Variants in LRP2 observed in about 807,000 individuals in gnomAD.
LRP2 encodes LDL receptor related protein 2, also known as low-density lipoprotein receptor-related protein 2.
Under a neutral mutation model 531.0 loss-of-function variants are expected in LRP2, and 172 were observed. The observed-to-expected ratio is 0.32, with a 90% CI of 0.29 to 0.37. The LOEUF (loss-of-function observed/expected upper bound fraction) is 0.37. LRP2 is among the 10% of genes least tolerant of loss of function. LRP2 has a pLI of 1.00. For missense variants in LRP2, 5,167 were observed against 5,868.3 expected (o/e 0.88, Z 3.90); for synonymous variants, 1,992 against 2,027.6 (o/e 0.98, Z 0.47).
intron 1 of LRP2, 149 bp from the exon 2 acceptor site, chr2:169,321,033 G>T (rs768974125): frequency 1.2e-5 from 8 of 662,164 alleles, no homozygotes; most frequent in African/African-American, 1.8e-5. Context: ...TTCTCCCAAT[G>T]ATAATATAAA....
chr2:169,155,389 GC>G (rs1212209371), intron 65 of LRP2, among the ~76,000 whole-genome samples: 5 of 152,230 alleles, frequency 3.3e-5, no homozygotes, highest in Admixed American at 2.0e-4. Context: ...CTGTTCAAAT[GC>G]TTTCACTCTA....
Position 169,188,265 on chromosome 2 carries a change from C to A in LRP2, c.9033G>T (p.Arg3011Ser), listed in dbSNP as rs867619230. 6.2e-7 allele frequency: 1 copy of A among 1,614,024 alleles called. No homozygotes were observed. The highest frequency in any genetic ancestry group is 1.7e-4 in the Middle Eastern group (1 of 5,978). ...GYGLCIPKIF[R>S]CDRHNDCGDY... Reference sequence around the variant, plus strand: ...CACCACAGTCATTGTGCCGGTCACACCTGTATCATGAGATCCAGTACCACT... The same window carrying A: ...CACCACAGTCATTGTGCCGGTCACAACTGTATCATGAGATCCAGTACCACT... Residue 3011 changes from arginine to serine, a missense_variant and splice_region_variant, in exon 49 of 79, where the codon AGG (arginine) becomes AGT (serine). Transcript: ENST00000649046.
chr2:169,154,726 G>T, intron 65 of LRP2, 123 bp from the exon 66 acceptor site: 1 of 851,904 alleles, frequency 1.2e-6, no homozygotes, highest in South Asian at 1.5e-5. Context: ...ATAGGAATCT[G>T]ACTATCTCTG....
intron 16 of LRP2, among the ~76,000 whole-genome samples, chr2:169,266,962 A>G (rs2673176): frequency 0.97 from 143,841 of 148,832 alleles, 69,694 homozygotes; most frequent in Middle Eastern, 1. Context: ...GTCATAGCTC[A>G]CTGCAACCTG....
chr2:169,238,402 G>T, intron 26 of LRP2, 100 bp from the exon 27 acceptor site: 1 of 856,154 alleles, frequency 1.2e-6, no homozygotes, highest in Admixed American at 2.0e-5. Flanking sequence ...ACAGAAAGAA[G>T]GTGTAATTCC....
chr2:169,237,210 A>G lies in LRP2; in HGVS notation c.4584T>C (p.Tyr1528=). 6.2e-7 allele frequency: 1 copy of G among 1,613,880 alleles called. No individual in the cohort carries two copies. Among genetic ancestry groups the G allele is most frequent in the South Asian group, 1.1e-5 (1 of 91,084 alleles). ...WVGRNLYWTD[Y]ALETIEVSKI... is the part of the protein sequence containing the mutation. The stretch of plus-strand genomic sequence containing the variant: ...TGGAGACTTCAATTGTTTCCAGAGC[A>G]TAGTCTGTCCAGTAAAGATTACGAC... Residue 1528 remains tyrosine, a synonymous_variant, in exon 28 of 79, where the codon TAT becomes TAC. Coordinates refer to ENST00000649046, the MANE Select transcript of LRP2 (RefSeq NM_004525.3).
chr2:169,266,281 T>C (rs1574198840), intron 16 of LRP2, among the ~76,000 whole-genome samples: 2 of 150,914 alleles, frequency 1.3e-5, no homozygotes, highest in East Asian at 2.0e-4. Flanking sequence ...AATCAAGAAA[T>C]AGAAGTATAA....
At position 169,239,757 on chromosome 2, in the gene LRP2, T is replaced by C; in HGVS notation, c.4064A>G (p.Asp1355Gly). 2 of 1,613,928 alleles carry C rather than the reference T, an allele frequency of 1.2e-6. No individual in the cohort carries two copies. Among genetic ancestry groups the C allele is most frequent in the Non-Finnish European group, 1.7e-6 (2 of 1,179,858 alleles). The change falls in exon 26 of 79, where the codon GAT becomes GGT. Residue 1355 changes from aspartate to glycine, a missense_variant. Around this residue, in one of 6 missense-constraint regions of LRP2, gnomAD observed 2,811 missense variants for 3,058.0 expected, o/e 0.92. Transcript: ENST00000649046. ...CTCGTGAGTACAACCACCATTGAAA[T>C]CTGAGCAGCTGTTCCCATCTAGAAA... ...SPLCNGNSCS[D>G]FNGGCTHECV...
chr2:169,169,618 T>C lies in LRP2; in HGVS notation c.11497+84A>G, dbSNP rs1022028224. On this transcript the variant is annotated intron_variant, in intron 60 of 78. Transcript: ENST00000649046. ...AGACAATACTTATGGCCTTTTAATC[T>C]AAGAAGCGGCAGCGGACTGATGTCT... is the stretch of plus-strand genomic sequence containing the variant. 4.9e-5 allele frequency: 50 copies of C among 1,026,532 alleles called. No homozygotes were observed. The African/African-American group carries it at 7.7e-4, about 16-fold the overall frequency. 63.6% of individuals were successfully genotyped at this position (1,026,532 alleles called of 1,614,324 possible).
chr2:169,247,638 C>T, intron 19 of LRP2, 123 bp from the exon 20 acceptor site: 3 of 1,025,426 alleles, frequency 2.9e-6, no homozygotes, highest in Non-Finnish European at 4.5e-6. Context: ...CCATAAATAT[C>T]TGTAATATGT....
rs1370413905 is a variant in LRP2 at position 169,130,054 on chromosome 2, A to C, written c.13729-970T>G. 4.6e-5 allele frequency among the ~76,000 whole-genome samples: 7 copies of C among 152,328 alleles called. No homozygotes were observed. In the East Asian group the frequency reaches 1.4e-3, roughly 29 times the overall value. On this transcript the variant is annotated intron_variant, in intron 77 of 78. Transcript: ENST00000649046. ...ACATTCAAGTGAGAACCTGCTTTGTACATAGTGCCCCCAAGGGGAACATGA... is the reference window on the plus strand; with the variant it reads ...ACATTCAAGTGAGAACCTGCTTTGTCCATAGTGCCCCCAAGGGGAACATGA...
At chr2:169,327,506 C>A (rs1197834019) in intron 1 of LRP2, among the ~76,000 whole-genome samples, 1 of 122,260 alleles carries the variant, frequency 8.2e-6, no homozygotes, top group African/African-American at 3.3e-5. Context: ...GCCCCCCGCC[C>A]GGCCAGCCGC....
Position 169,233,519 on chromosome 2 carries a change from G to T in LRP2, c.4990C>A (p.Arg1664=), listed in dbSNP as rs141693781. 2 of 1,614,052 alleles carry T rather than the reference G, an allele frequency of 1.2e-6. No homozygotes were observed. Among genetic ancestry groups the T allele is most frequent in the Non-Finnish European group, 1.7e-6 (2 of 1,180,020 alleles). Residue 1664 remains arginine (R), a synonymous_variant, in exon 30 of 79, where the codon CGG becomes AGG. Transcript: ENST00000649046. ...SVYWTDRATR[R]VMRANKWHGG... ...TGCCACTTGTTGGCTCGCATAACCC[G>T]ACGAGTAGCACGGTCAGTCCAGTAC...
At chr2:169,352,904 G>A (rs911352276) in intron 1 of LRP2, among the ~76,000 whole-genome samples, 4 of 151,998 alleles carry the variant, frequency 2.6e-5, no homozygotes, top group African/African-American at 9.7e-5. Context: ...GAGAGCATTA[G>A]GACAAATACC....
intron 34 of LRP2, among the ~76,000 whole-genome samples, chr2:169,219,730 T>C (rs1378362231): frequency 6.6e-6 from 1 of 152,014 alleles, no homozygotes; most frequent in African/African-American, 2.4e-5. Context: ...AAACTAACTA[T>C]TGGGTACTAT....
At chr2:169,211,239 T>C (rs1361771173) in intron 37 of LRP2, among the ~76,000 whole-genome samples, 1 of 152,190 alleles carries the variant, frequency 6.6e-6, no homozygotes, top group African/African-American at 2.4e-5. Flanking sequence ...ATTGACTTCA[T>C]CCTTTTTTCC....
intron 16 of LRP2, among the ~76,000 whole-genome samples, chr2:169,262,271 AG>A (rs1398194104): frequency 7.2e-6 from 1 of 139,726 alleles, no homozygotes. Context: ...AAGGAAATAA[AG>A]GGTATTCAAT....
Position 169,280,378 on chromosome 2 carries a change from A to G in LRP2, c.1313T>C (p.Val438Ala). The G allele has an allele frequency of 6.2e-7, 1 of 1,613,740 alleles. No homozygotes were observed. The highest frequency in any genetic ancestry group is 8.5e-7 in the Non-Finnish European group (1 of 1,179,950). Residue 438 changes from valine (V) to alanine (A), a missense_variant, in exon 11 of 79, where the codon GTT (valine) becomes GCT (alanine). Transcript: ENST00000649046. Reference sequence around the variant, plus strand: ...ATTTTGCACGGTGTCTGTCCAAAAAACTCTTTGCAGGTGATAGTGGAAAGC... The same window carrying G: ...ATTTTGCACGGTGTCTGTCCAAAAAGCTCTTTGCAGGTGATAGTGGAAAGC... ...GVAFHYHLQRVFWTDTVQNKV... is the reference protein window; with the variant it reads ...GVAFHYHLQRAFWTDTVQNKV...
At position 169,185,484 on chromosome 2, in the gene LRP2, C is replaced by T. The variant is rs991546140; in HGVS notation, c.9845+19G>A. On this transcript the variant is annotated intron_variant, in intron 50 of 78. Coordinates refer to ENST00000649046, the MANE Select transcript of LRP2 (RefSeq NM_004525.3). ...TTTTTAATTTTTAACTTTTAAAAAG[C>T]TCATCAGTGTTTTCTTACCTGGAAA... 1 of 1,611,660 alleles carries T rather than the reference C, an allele frequency of 6.2e-7. No individual in the cohort carries two copies. The highest frequency in any genetic ancestry group is 1.3e-5 in the African/African-American group (1 of 74,984).
Sources: gnomAD v4.1 joint callset for allele counts (sites outside exome capture counted in the v4.1 genomes callset) on GRCh38, gnomAD v4.1.1 for gene constraint, gnomAD v4.1.1 regional missense constraint, MANE v1.5 for transcripts, NCBI Gene and HGNC (gene_info 2026-07-23, HGNC 2026-07-21) for gene names.